Variants in AKAP13 observed in about 807,000 individuals in gnomAD.
AKAP13 encodes A-kinase anchor protein 13.
Under a neutral mutation model 264.5 loss-of-function variants are expected in AKAP13, and 80 were observed. The observed-to-expected ratio is 0.30, with a 90% confidence interval of 0.25 to 0.36. The LOEUF (loss-of-function observed/expected upper bound fraction) is 0.36. Ranked by LOEUF, AKAP13 falls within the 10% of genes least tolerant of loss-of-function variation. The probability of loss-of-function intolerance (pLI) is 1.00; values close to 1 mark genes in which losing one functional copy is unlikely to be tolerated. For synonymous variants in AKAP13, 1,380 were observed against 1,250.2 expected (o/e 1.10, Z -2.19); for missense variants, 3,712 against 3,435.2 (o/e 1.08, Z -2.01).
intron 1 of AKAP13, among the ~76,000 whole-genome samples, chr15:85,484,846 C>T (rs1345571149): frequency 6.6e-6 from 1 of 152,186 alleles, no homozygotes; most frequent in Non-Finnish European, 1.5e-5. Flanking sequence ...GTATGAATGA[C>T]ACTTTATACT....
Position 85,740,248 on chromosome 15 carries a change from C to T in AKAP13, c.7584C>T (p.Leu2528=), listed in dbSNP as rs982904500. 5.0e-6 allele frequency: 8 copies of T among 1,614,102 alleles called. No homozygotes were observed. In the African/African-American group the frequency reaches 9.3e-5, roughly 19 times the overall value. Residue 2528 remains leucine (L), a synonymous_variant, in exon 34 of 37, where the codon CTC becomes CTT. Transcript: ENST00000394518. ...AGGTTGTCCAGAGCGTTGTTCATCT[C>T]TACGAGCTCCTCAGCGCTCTGCAGG... ...SEQVVQSVVH[L]YELLSALQGV... is the part of the protein sequence containing the mutation.
intron 8 of AKAP13, chr15:85,621,195 G>A (rs1044141217): frequency 6.6e-6 from 1 of 152,164 alleles, no homozygotes; most frequent in African/African-American, 2.4e-5. Context: ...GCTAAGGAAT[G>A]GGCTCAGAAG....
rs747580824 is a variant in AKAP13 at position 85,747,880 on chromosome 15, T to A, written c.*3203T>A. The A allele has an allele frequency of 5.9e-5, 9 of 153,284 alleles. No homozygotes were observed. Among genetic ancestry groups the A allele is most frequent in the Non-Finnish European group, 1.0e-4 (7 of 68,038 alleles). 9.5% of individuals were successfully genotyped at this position (153,284 alleles called of 1,614,324 possible). On this transcript the variant is annotated 3_prime_UTR_variant, in exon 37 of 37. Transcript: ENST00000394518. ...TATTCAGAGTCGCCCCTTTGCTCAT[T>A]TTCTCCCGTATTTGTTACCTTCCTG...
At chr15:85,523,887 T>G (rs1447082708) in intron 3 of AKAP13, among the ~76,000 whole-genome samples, 5 of 149,434 alleles carry the variant, frequency 3.3e-5, no homozygotes, top group Non-Finnish European at 7.4e-5. Context: ...GGAGAAGGAA[T>G]ACGATGATTT....
chr15:85,401,948 A>T (rs2071439070), intron 1 of AKAP13, among the ~76,000 whole-genome samples: 1 of 152,246 alleles, frequency 6.6e-6, no homozygotes, highest in South Asian at 2.1e-4. Flanking sequence ...ATAAATTCTG[A>T]TGTAAAACAT....
chr15:85,523,471 C>T (rs887487086), intron 3 of AKAP13, among the ~76,000 whole-genome samples: 2 of 152,094 alleles, frequency 1.3e-5, no homozygotes, highest in Admixed American at 6.6e-5. Context: ...TGAGGCCTTT[C>T]GGTCCAGCTC....
intron 5 of AKAP13, among the ~76,000 whole-genome samples, chr15:85,571,872 T>C (rs984194136): frequency 6.6e-6 from 1 of 152,222 alleles, no homozygotes; most frequent in Non-Finnish European, 1.5e-5. Flanking sequence ...TTGCAATGAC[T>C]GATCTTTAGT....
Position 85,669,748 on chromosome 15 carries a change from A to G in AKAP13, c.5019A>G (p.Gly1673=), listed in dbSNP as rs758405862. The G allele has an allele frequency of 3.1e-6, 5 of 1,613,084 alleles. No individual in the cohort carries two copies. The South Asian group carries it at 4.4e-5, about 14-fold the overall frequency. The part of the protein sequence containing the change: ...QQICHRSKQQ[G]FNYCTSAISS... Reference sequence around the variant, plus strand: ...TATGTCACAGATCTAAGCAGCAGGGATTTAATTACTGTACATCAGCCATTT... The same window carrying G: ...TATGTCACAGATCTAAGCAGCAGGGGTTTAATTACTGTACATCAGCCATTT... Residue 1673 remains glycine, a synonymous_variant, in exon 14 of 37, where the codon GGA becomes GGG. Transcript: ENST00000394518.
At chr15:85,409,041 T>A (rs1259162770) in intron 1 of AKAP13, among the ~76,000 whole-genome samples, 1 of 151,644 alleles carries the variant, frequency 6.6e-6, no homozygotes, top group Non-Finnish European at 1.5e-5. Context: ...AAGTGATATC[T>A]CATTGTGGTT....
intron 1 of AKAP13, among the ~76,000 whole-genome samples, chr15:85,483,537 A>T (rs1215984463): frequency 6.8e-6 from 1 of 148,122 alleles, no homozygotes; most frequent in Non-Finnish European, 1.5e-5. Flanking sequence ...GAGGCAGGAT[A>T]ATGGCGTGAA....
intron 8 of AKAP13, among the ~76,000 whole-genome samples, chr15:85,614,836 T>G (rs2151402892): frequency 6.6e-6 from 1 of 152,348 alleles, no homozygotes; most frequent in South Asian, 2.1e-4. Flanking sequence ...CCTTACAGGT[T>G]TTTATGAGGA....
chr15:85,415,359 A>G (rs1826412923), intron 1 of AKAP13: 1 of 1,584,532 alleles, frequency 6.3e-7, no homozygotes, highest in African/African-American at 1.3e-5. Context: ...AGATTGTATC[A>G]TCACTTGTGA....
Position 85,718,933 on chromosome 15 carries a change from C to T in AKAP13, c.6002-143C>T. ...ACAAAAAAACAAAAAAACGAGAACA[C>T]TTTTAGGGGAAAGATAGCTGTTGAC... On this transcript the variant is annotated intron_variant, in intron 22 of 36. Transcript: ENST00000394518. This position sits in a 1 kb window ranked among gnomAD's most constrained non-coding sequence, Gnocchi z 4.9. The T allele has an allele frequency of 8.5e-7, 1 of 1,180,614 alleles. No homozygotes were observed. The highest frequency in any genetic ancestry group is 1.2e-6 in the Non-Finnish European group (1 of 850,434). The allele number at this position is 1,180,614 out of a possible 1,614,324, so 73.1% of individuals were successfully genotyped here.
At chr15:85,720,255 A>C (rs1442968628) in intron 23 of AKAP13, among the ~76,000 whole-genome samples, 1 of 69,244 alleles carries the variant, frequency 1.4e-5, no homozygotes, top group Non-Finnish European at 2.8e-5. Flanking sequence ...ATTTAAAAAC[A>C]AACTCTGTGT....
At chr15:85,500,004 T>C (rs1311655223) in intron 2 of AKAP13, among the ~76,000 whole-genome samples, 1 of 152,238 alleles carries the variant, frequency 6.6e-6, no homozygotes, top group African/African-American at 2.4e-5. Flanking sequence ...AAAGCTGTTC[T>C]TTGGGAAAGG....
intron 29 of AKAP13, 129 bp from the exon 30 acceptor site, chr15:85,730,384 A>T: frequency 1.2e-6 from 1 of 838,706 alleles, no homozygotes; most frequent in South Asian, 1.7e-5. Context: ...AAGAAAAGGC[A>T]GTGTGGGTGG....
At position 85,630,166 on chromosome 15, in the gene AKAP13, T is replaced by TACACAC. The variant is rs59852934; in HGVS notation, c.4162-9170_4162-9165dup. 6.3e-3 allele frequency among the ~76,000 whole-genome samples: 634 copies of TACACAC among 100,164 alleles called. 19 individuals carry two copies. Among genetic ancestry groups the TACACAC allele is most frequent in the East Asian group, 8.2e-3 (31 of 3,790 alleles). The allele number at this position is 100,164 out of a possible 152,430, so 65.7% of individuals were successfully genotyped here. On this transcript the variant is annotated intron_variant, in intron 8 of 36. Coordinates refer to ENST00000394518, the MANE Select transcript of AKAP13 (RefSeq NM_007200.5). ...TCTCTATTCTCTGTTTTTTAACACA[T>TACACAC]ACACACACACACACACACACACACA... is the stretch of plus-strand genomic sequence containing the variant.
rs759396524 is a variant in AKAP13, at chr15:85,581,828, C to T, written c.3760C>T (p.Arg1254Cys). The T allele has an allele frequency of 5.5e-5, 89 of 1,614,038 alleles. No individual in the cohort carries two copies. Among genetic ancestry groups the T allele is most frequent in the Non-Finnish European group, 6.9e-5 (81 of 1,180,028 alleles). Residue 1254 changes from arginine (R) to cysteine (C), a missense_variant, in exon 7 of 37, where the codon CGT becomes TGT. Physicochemically the swap from Arg to Cys is radical, Grantham distance 180. Coordinates refer to ENST00000394518, the MANE Select transcript of AKAP13 (RefSeq NM_007200.5). ...GADLIEEAAS[R>C]IVDAVIEQVK... ...AGACTTGATAGAGGAGGCTGCCAGC[C>T]GTATAGTGGATGCTGTCATCGAACA... is the stretch of plus-strand genomic sequence containing the variant.
At chr15:85,407,114 G>A (rs2071703528) in intron 1 of AKAP13, among the ~76,000 whole-genome samples, 1 of 151,740 alleles carries the variant, frequency 6.6e-6, no homozygotes, top group Admixed American at 6.6e-5. Context: ...GATAATTGGG[G>A]TATAGTGAGA....
Sources: gnomAD v4.1 joint callset for allele counts (sites outside exome capture counted in the v4.1 genomes callset) on GRCh38, gnomAD v4.1.1 for gene constraint, Gnocchi (gnomAD v3.1) non-coding constraint, MANE v1.5 for transcripts, NCBI Gene and HGNC (gene_info 2026-07-23, HGNC 2026-07-21) for gene names.